The following FABP7 variants were observed in gnomAD, a reference collection of about 807,000 sequenced individuals.
FABP7 encodes fatty acid-binding protein, brain.
A neutral mutation model predicts 14.2 loss-of-function variants in FABP7; 13 were observed. The observed-to-expected ratio is 0.91, with a 90% CI of 0.59 to 1.45. FABP7 has a LOEUF of 1.45. Ranked by LOEUF, FABP7 falls within the 40% of genes most tolerant of loss-of-function variation. FABP7 has a pLI of 0.00. For missense variants in FABP7, 149 were observed against 157.6 expected (o/e 0.95, Z 0.29); for synonymous variants, 49 against 51.4 (o/e 0.95, Z 0.20).
intron 3 of FABP7, chr6:122,782,579 C>A: frequency 1.0e-6 from 1 of 985,410 alleles, no homozygotes; most frequent in Non-Finnish European, 1.2e-6. Context: ...TCCTCAGACA[C>A]TTTTTGTGTG....
the FABP7 span, among the ~76,000 whole-genome samples, chr6:122,767,873 C>T: frequency 6.6e-6 from 1 of 151,272 alleles, no homozygotes; most frequent in Non-Finnish European, 1.5e-5. Context: ...AACATATTGA[C>T]AATGACATAA....
chr6:122,770,231 G>C, the FABP7 span, among the ~76,000 whole-genome samples: 2 of 152,052 alleles, frequency 1.3e-5, no homozygotes, highest in African/African-American at 4.8e-5. Context: ...ATGGAGAGTT[G>C]ATTAAACTTT....
At chr6:122,770,264 T>C in the FABP7 span, among the ~76,000 whole-genome samples, 1 of 152,100 alleles carries the variant, frequency 6.6e-6, no homozygotes. Context: ...AATTTATATT[T>C]AGATTGGGGA....
intron 2 of FABP7, among the ~76,000 whole-genome samples, chr6:122,780,873 TAATATATTAA>T (rs1466727796): frequency 3.3e-5 from 5 of 152,238 alleles, no homozygotes; most frequent in Admixed American, 3.3e-4. Flanking sequence ...TTTTTGTTTT[TAATATATTAA>T]ATTTTTGTAT....
At chr6:122,783,461 T>A (rs1780844873) in intron 3 of FABP7, 1 of 985,346 alleles carries the variant, frequency 1.0e-6, no homozygotes, top group South Asian at 4.7e-5. Flanking sequence ...ATTACCCTGA[T>A]AATTTAAGGC....
chr6:122,782,378 C>T (rs1780812897), intron 3 of FABP7: 3 of 534,702 alleles, frequency 5.6e-6, no homozygotes, highest in Non-Finnish European at 7.2e-6. Flanking sequence ...TCCCGGATGG[C>T]TCCTGGCAAT....
At chr6:122,783,494 A>G (rs556771103) in intron 3 of FABP7, 1 of 985,470 alleles carries the variant, frequency 1.0e-6, no homozygotes, top group East Asian at 1.1e-4. Flanking sequence ...TTTGACTTGA[A>G]TCTAAAGTGC....
rs1038906931 is a variant in FABP7 at position 122,783,696 on chromosome 6, A to G, written c.349-21A>G. ...TGAAGTTCCTGTATAAAAAGATTTGATTATCTTTTGAACCTTGCAGACCCT... is the reference window on the plus strand; with the variant it reads ...TGAAGTTCCTGTATAAAAAGATTTGGTTATCTTTTGAACCTTGCAGACCCT... On this transcript the variant is annotated intron_variant, in intron 3 of 3. Transcript: ENST00000368444. 4 of 1,580,740 alleles carry G rather than the reference A, an allele frequency of 2.5e-6. No homozygotes were observed. The African/African-American group carries it at 4.1e-5, about 16-fold the overall frequency.
At chr6:122,772,484 A>G in the FABP7 span, among the ~76,000 whole-genome samples, 1 of 152,234 alleles carries the variant, frequency 6.6e-6, no homozygotes, top group South Asian at 2.1e-4. Context: ...CAGTGGCACA[A>G]TCAGCTCACT....
At chr6:122,749,392 T>C in the FABP7 span, among the ~76,000 whole-genome samples, 7 of 152,220 alleles carry the variant, frequency 4.6e-5, no homozygotes, top group Non-Finnish European at 1.0e-4. Context: ...CTACATTTAT[T>C]AAAGAACACA....
the FABP7 span, among the ~76,000 whole-genome samples, chr6:122,753,238 G>A: frequency 6.6e-6 from 1 of 152,068 alleles, no homozygotes; most frequent in Non-Finnish European, 1.5e-5. Flanking sequence ...TATCTGTTTC[G>A]GAAATTCAGA....
chr6:122,757,153 A>G, the FABP7 span, among the ~76,000 whole-genome samples: 2 of 152,298 alleles, frequency 1.3e-5, no homozygotes, highest in South Asian at 2.1e-4. Context: ...TCAAAAGTCT[A>G]CCGTCTGATA....
chr6:122,783,658 A>G, intron 3 of FABP7, 59 bp from the exon 4 acceptor site: 1 of 1,549,256 alleles, frequency 6.5e-7, no homozygotes, highest in Non-Finnish European at 8.6e-7. Context: ...GATGATCTTT[A>G]AAATTCGGTG....
At chr6:122,749,267 T>TTC in the FABP7 span, among the ~76,000 whole-genome samples, 1 of 152,164 alleles carries the variant, frequency 6.6e-6, no homozygotes, top group Admixed American at 6.5e-5. Context: ...CCCTTAAACC[T>TTC]GGTGGAATGC....
chr6:122,771,808 A>G, the FABP7 span, among the ~76,000 whole-genome samples: 1 of 152,144 alleles, frequency 6.6e-6, no homozygotes, highest in African/African-American at 2.4e-5. Flanking sequence ...TTGGCTGAAA[A>G]CTTAGAAAAG....
At chr6:122,753,525 T>G in the FABP7 span, among the ~76,000 whole-genome samples, 1 of 152,150 alleles carries the variant, frequency 6.6e-6, no homozygotes, top group South Asian at 2.1e-4. Flanking sequence ...TGACTTGCTG[T>G]GGTGCACATA....
chr6:122,779,969 T>C (rs1780742393), intron 1 of FABP7, 102 bp downstream of exon 1: 2 of 1,120,384 alleles, frequency 1.8e-6, no homozygotes, highest in Non-Finnish European at 2.7e-6. Flanking sequence ...CAAAGACAGA[T>C]CACATTGCCC....
intron 3 of FABP7, chr6:122,782,013 G>C (rs1780801481): frequency 1.0e-6 from 1 of 966,884 alleles, no homozygotes; most frequent in South Asian, 4.8e-5. Flanking sequence ...CGGCCTCCCA[G>C]AGTGCTGGGA....
chr6:122,782,982 T>A, intron 3 of FABP7: 1 of 985,456 alleles, frequency 1.0e-6, no homozygotes, highest in African/African-American at 1.7e-5. Context: ...GTGGCATGCA[T>A]GACTATGATC....
Sources: gnomAD v4.1 joint callset for allele counts (sites outside exome capture counted in the v4.1 genomes callset) on GRCh38, gnomAD v4.1.1 for gene constraint, MANE v1.5 for transcripts, NCBI Gene and HGNC (gene_info 2026-07-23, HGNC 2026-07-21) for gene names.